Variants in TRIM67 observed in about 807,000 individuals in gnomAD.
The protein encoded by TRIM67 is tripartite motif containing 67, also known as tripartite motif-containing protein 67.
A neutral mutation model predicts 71.0 loss-of-function variants in TRIM67; 39 were observed. The observed-to-expected ratio is 0.55, with a 90% CI of 0.43 to 0.72. The LOEUF is 0.72. Ranked by LOEUF, TRIM67 falls within the 30% of genes least tolerant of loss-of-function variation. The pLI is 0.00. For missense variants in TRIM67, 973 were observed against 1,079.2 expected, an observed-to-expected ratio of 0.90 and a Z score of 1.38; for synonymous variants, 481 against 473.9, an observed-to-expected ratio of 1.01 and a Z score of -0.19.
chr1:231,186,022 T>A, intron 1 of TRIM67: 1 of 1,427,242 alleles, frequency 7.0e-7, no homozygotes, highest in Non-Finnish European at 9.5e-7. Context: ...GGTGCTTGGG[T>A]TGCAGATTTT....
At chr1:231,210,281 C>T (rs1027517670) in intron 8 of TRIM67, among the ~76,000 whole-genome samples, 1 of 152,148 alleles carries the variant, frequency 6.6e-6, no homozygotes, top group Non-Finnish European at 1.5e-5. Context: ...CCCGGAGGCT[C>T]TCAGTGCTCT....
rs1339993384 is a variant in TRIM67, at chr1:231,219,996, C to T, written c.*4556C>T. 7.8e-7 allele frequency: 1 copy of T among 1,275,514 alleles called. No homozygotes were observed. The highest frequency in any genetic ancestry group is 5.6e-5 in the East Asian group (1 of 17,948). The allele number at this position is 1,275,514 out of a possible 1,614,324, so 79.0% of individuals were successfully genotyped here. ...TCATGGTATGAGTGGGGGCCAATCT[C>T]TTATCCTTTCTGTGCCTCAGTATCC... is the stretch of plus-strand genomic sequence containing the variant. On this transcript the variant is annotated 3_prime_UTR_variant, in exon 10 of 10. Coordinates refer to ENST00000366653, the MANE Select transcript of TRIM67 (RefSeq NM_001004342.5).
intron 1 of TRIM67, among the ~76,000 whole-genome samples, chr1:231,168,244 G>T (rs1276435066): frequency 6.6e-6 from 1 of 152,218 alleles, no homozygotes; most frequent in Non-Finnish European, 1.5e-5. Context: ...CTGGGATCAC[G>T]CCTGTAGGCG....
In TRIM67 at chr1:231,204,018, G is replaced by C; in HGVS notation, c.1680+6G>C. 2 of 1,613,774 alleles carry C rather than the reference G, an allele frequency of 1.2e-6. No homozygotes were observed. The highest frequency in any genetic ancestry group is 8.5e-7 in the Non-Finnish European group (1 of 1,179,802). On this transcript the variant is annotated splice_donor_region_variant and intron_variant, in intron 6 of 9. Coordinates refer to ENST00000366653, the MANE Select transcript of TRIM67 (RefSeq NM_001004342.5). ...GTGCCGGGGGACAGTTCCGGGTGAG[G>C]CCTTGCTGCTTATTTGGCGGGGATT... is the stretch of plus-strand genomic sequence containing the variant.
chr1:231,189,323 G>A (rs1683171187), intron 1 of TRIM67, among the ~76,000 whole-genome samples: 1 of 152,146 alleles, frequency 6.6e-6, no homozygotes, highest in Non-Finnish European at 1.5e-5. Flanking sequence ...ACCCATGTAA[G>A]GTGAATGTTA....
chr1:231,192,907 T>C (rs1443896988), intron 1 of TRIM67, among the ~76,000 whole-genome samples: 1 of 152,244 alleles, frequency 6.6e-6, no homozygotes, highest in Non-Finnish European at 1.5e-5. Flanking sequence ...TAGCCTGCGG[T>C]CACGGGTCTC....
intron 8 of TRIM67, among the ~76,000 whole-genome samples, chr1:231,211,031 A>AAAAAT (rs1553328725): frequency 7.9e-6 from 1 of 127,230 alleles, no homozygotes; most frequent in African/African-American, 2.8e-5. Flanking sequence ...AAAAAAAAAA[A>AAAAAT]ATATATATAT....
intron 7 of TRIM67, 142 bp from the exon 8 acceptor site, chr1:231,208,805 T>C (rs1683782669): frequency 1.4e-6 from 1 of 713,202 alleles, no homozygotes; most frequent in African/African-American, 1.8e-5. Flanking sequence ...TGCACGTGTG[T>C]GGTAATCATA....
In TRIM67 at chr1:231,195,032, C is replaced by G. The variant is rs137912983; in HGVS notation, c.1045-2339C>G. Among the ~76,000 whole-genome samples, 269 of 152,278 alleles carry G rather than the reference C, an allele frequency of 1.8e-3. 1 individual carries two copies. The highest frequency in any genetic ancestry group is 6.3e-3 in the African/African-American group (263 of 41,558). ...GAATGAGCTACCCCACCTGGCTTCA[C>G]TGTCCTTTTTGATGTCAGTAGGTTA... On this transcript the variant is annotated intron_variant, in intron 1 of 9. Transcript: ENST00000366653.
intron 6 of TRIM67, among the ~76,000 whole-genome samples, chr1:231,204,645 T>C (rs1683647153): frequency 6.6e-6 from 1 of 152,186 alleles, no homozygotes; most frequent in Non-Finnish European, 1.5e-5. Context: ...TCCGTGACGT[T>C]CAGGCGGACA....
At chr1:231,178,366 G>C (rs1354855991) in intron 1 of TRIM67, among the ~76,000 whole-genome samples, 1 of 152,204 alleles carries the variant, frequency 6.6e-6, no homozygotes, top group Non-Finnish European at 1.5e-5. Flanking sequence ...TTTTGCCATG[G>C]ACTGACGGCA....
At chr1:231,190,887 G>T (rs112162231) in intron 1 of TRIM67, among the ~76,000 whole-genome samples, 73 of 152,122 alleles carry the variant, frequency 4.8e-4, no homozygotes, top group Non-Finnish European at 8.5e-4. Context: ...GGGTCTCCAC[G>T]TGCTCACCTC....
chr1:231,217,714 C>A lies in TRIM67; in HGVS notation c.*2274C>A. ...GTGGAGCCTCCACCATCACCACAGC[C>A]CAGGTCACCAGGTGGCCCCAGCTCT... On this transcript the variant is annotated 3_prime_UTR_variant, in exon 10 of 10. Coordinates refer to ENST00000366653, the MANE Select transcript of TRIM67 (RefSeq NM_001004342.5). 8.1e-7 allele frequency: 1 copy of A among 1,233,710 alleles called. No homozygotes were observed. Among genetic ancestry groups the A allele is most frequent in the Non-Finnish European group, 1.0e-6 (1 of 960,160 alleles). 76.4% of individuals were successfully genotyped at this position (1,233,710 alleles called of 1,614,324 possible).
rs1166289388 is a variant in TRIM67, at chr1:231,164,028, C to A, written c.1044+15C>A. The stretch of plus-strand genomic sequence containing the variant: ...AGCAGCACAAGGTGAGCCCGCGGGA[C>A]GCGGGAGTGCAGGTGCCAGGGAAGA... On this transcript the variant is annotated intron_variant, in intron 1 of 9. Coordinates refer to ENST00000366653, the MANE Select transcript of TRIM67 (RefSeq NM_001004342.5). The A allele has an allele frequency of 4.0e-6, 6 of 1,482,604 alleles. No individual in the cohort carries two copies. The highest frequency in any genetic ancestry group is 5.4e-6 in the Non-Finnish European group (6 of 1,105,984). 91.8% of individuals were successfully genotyped at this position (1,482,604 alleles called of 1,614,324 possible). A position where few individuals can be genotyped will look rare whatever the true frequency, so the allele number is the denominator to read the frequency against.
At chr1:231,194,557 A>G (rs1683315815) in intron 1 of TRIM67, among the ~76,000 whole-genome samples, 1 of 152,202 alleles carries the variant, frequency 6.6e-6, no homozygotes, top group African/African-American at 2.4e-5. Flanking sequence ...AGCTCCTCCT[A>G]TCAGAGTTGT....
chr1:231,162,888 C>G lies in TRIM67; in HGVS notation c.-82C>G. 1 of 1,529,110 alleles carries G rather than the reference C, an allele frequency of 6.5e-7. No homozygotes were observed. 94.7% of individuals were successfully genotyped at this position (1,529,110 alleles called of 1,614,324 possible). A position where few individuals can be genotyped will look rare whatever the true frequency, so the allele number is the denominator to read the frequency against. ...CCGCCCGTCGTCTCACCGGGGCGCA[C>G]CGCGCTGGTCCTCCTCCGCCAGTCT... On this transcript the variant is annotated 5_prime_UTR_variant, in exon 1 of 10. Coordinates refer to ENST00000366653, the MANE Select transcript of TRIM67 (RefSeq NM_001004342.5).
chr1:231,195,440 G>A (rs977911771), intron 1 of TRIM67, among the ~76,000 whole-genome samples: 6 of 152,224 alleles, frequency 3.9e-5, no homozygotes, highest in African/African-American at 1.2e-4. Context: ...CTGCCTAGGT[G>A]CTGGCAACAG....
Position 231,215,862 on chromosome 1 carries a change from CGGGTGTTGGCCCTCCGT to C in TRIM67, c.*426_*442del. On this transcript the variant is annotated 3_prime_UTR_variant, in exon 10 of 10. Coordinates refer to ENST00000366653, the MANE Select transcript of TRIM67 (RefSeq NM_001004342.5). ...GGAGCTGCGCTGTAATCCCACGCCCCGGGTGTTGGCCCTCCGTGGGGACCTTGCCTCCTCAGAGTCCC... is the reference window on the plus strand; with the variant it reads ...GGAGCTGCGCTGTAATCCCACGCCCCGGGGACCTTGCCTCCTCAGAGTCCC... 2.0e-6 allele frequency: 2 copies of C among 1,000,744 alleles called. No individual in the cohort carries two copies. Among genetic ancestry groups the C allele is most frequent in the Non-Finnish European group, 2.4e-6 (2 of 840,534 alleles). The allele number at this position is 1,000,744 out of a possible 1,614,324, so 62.0% of individuals were successfully genotyped here. A position where few individuals can be genotyped will look rare whatever the true frequency, so the allele number is the denominator to read the frequency against.
At chr1:231,192,789 C>T (rs1370280556) in intron 1 of TRIM67, among the ~76,000 whole-genome samples, 2 of 152,218 alleles carry the variant, frequency 1.3e-5, no homozygotes, top group Non-Finnish European at 2.9e-5. Flanking sequence ...GGTGACCTCA[C>T]CAAGGGGGCA....
Sources: gnomAD v4.1 joint callset for allele counts (sites outside exome capture counted in the v4.1 genomes callset) on GRCh38, gnomAD v4.1.1 for gene constraint, MANE v1.5 for transcripts, NCBI Gene and HGNC (gene_info 2026-07-23, HGNC 2026-07-21) for gene names.